Variants in SYNE2 observed in about 807,000 individuals in gnomAD.
SYNE2 encodes nesprin-2.
SYNE2 carries 431 observed loss-of-function variants against 856.3 expected under a neutral mutation model. The ratio of observed to expected loss-of-function variants is 0.50; its 90% CI spans 0.47 to 0.55. The LOEUF (loss-of-function observed/expected upper bound fraction) is 0.55. Ranked by LOEUF, SYNE2 falls within the 20% of genes least tolerant of loss-of-function variation. SYNE2 has a pLI of 0.00. For synonymous variants in SYNE2, 2,923 were observed against 2,872.3 expected, an observed-to-expected ratio of 1.02 and a Z score of -0.56; for missense variants, 8,129 against 8,023.2, an observed-to-expected ratio of 1.01 and a Z score of -0.50.
intron 70 of SYNE2, 60 bp from the exon 71 acceptor site, chr14:64,125,019 A>G: frequency 6.2e-7 from 1 of 1,600,248 alleles, no homozygotes; most frequent in Non-Finnish European, 8.5e-7. Context: ...AAAAAAATAA[A>G]TTAATTAACA....
In SYNE2 at chr14:64,143,082, T is replaced by C. The variant is rs150313480; in HGVS notation, c.15307-690T>C. Among the ~76,000 whole-genome samples the C allele has an allele frequency of 1.4e-3, 208 of 152,314 alleles. 1 individual carries two copies. Among genetic ancestry groups the C allele is most frequent in the Non-Finnish European group, 2.4e-3 (163 of 68,028 alleles). On this transcript the variant is annotated intron_variant, in intron 82 of 115. Coordinates refer to ENST00000555002, the MANE Select transcript of SYNE2 (RefSeq NM_182914.3). ...ATCACATCCTAACTTCAGTGTGTAG[T>C]AAAATCTTCGAAAAGTCTACACGTG...
intron 1 of SYNE2, among the ~76,000 whole-genome samples, chr14:63,832,076 T>C (rs759793594): frequency 6.6e-6 from 1 of 152,170 alleles, no homozygotes; most frequent in Non-Finnish European, 1.5e-5. Context: ...TTGATAAATG[T>C]TCAAAATAAA....
chr14:64,113,018 T>A, intron 65 of SYNE2: 1 of 985,336 alleles, frequency 1.0e-6, no homozygotes, highest in Non-Finnish European at 1.2e-6. Flanking sequence ...TTCCCTTAAA[T>A]GTTTCGGACA....
intron 30 of SYNE2, among the ~76,000 whole-genome samples, chr14:64,005,061 G>C (rs894290658): frequency 6.6e-6 from 1 of 152,180 alleles, no homozygotes. Flanking sequence ...CAAGGGTCGG[G>C]TGTGTTTGAG....
At chr14:64,100,597 C>G (rs1213295320) in intron 63 of SYNE2, among the ~76,000 whole-genome samples, 1 of 121,858 alleles carries the variant, frequency 8.2e-6, no homozygotes, top group Non-Finnish European at 1.7e-5. Flanking sequence ...TGTTTTGATA[C>G]AGTACATGTA....
chr14:64,147,871 A>G (rs997409477), intron 84 of SYNE2, among the ~76,000 whole-genome samples: 3 of 152,240 alleles, frequency 2.0e-5, no homozygotes, highest in African/African-American at 7.2e-5. Context: ...TTATTGCACT[A>G]GTTGAAGGCA....
rs906787422 is a variant in SYNE2 at position 64,051,610 on chromosome 14, C to T, written c.7697C>T (p.Ser2566Phe). Residue 2566 changes from serine (S) to phenylalanine (F), a missense_variant, in exon 48 of 116, where the codon TCC (serine) becomes TTC (phenylalanine). Physicochemically the swap from Ser to Phe is radical, Grantham distance 155. Around this residue, in one of 3 missense-constraint regions of SYNE2, gnomAD observed 5,410 missense variants for 5,284.8 expected, o/e 1.02. Transcript: ENST00000555002. Reference protein sequence around the residue: ...YLDKIKKFIASIEKEKDSLGN... With the variant: ...YLDKIKKFIAFIEKEKDSLGN... ...GACAAAATTAAAAAATTCATAGCAT[C>T]CATAGAAAAAGAGAAAGATTCTTTA... is the stretch of plus-strand genomic sequence containing the variant. 1 of 1,613,554 alleles carries T rather than the reference C, an allele frequency of 6.2e-7. No homozygotes were observed. The highest frequency in any genetic ancestry group is 1.3e-5 in the African/African-American group (1 of 74,784).
At chr14:64,169,053 C>A in intron 93 of SYNE2, 82 bp downstream of exon 93, 1 of 1,105,034 alleles carries the variant, frequency 9.0e-7, no homozygotes, top group Non-Finnish European at 1.4e-6. Flanking sequence ...ACCATGTGAA[C>A]CTTGACCATG....
At chr14:64,163,307 C>G in intron 88 of SYNE2, 95 bp from the exon 89 acceptor site, 1 of 1,409,376 alleles carries the variant, frequency 7.1e-7, no homozygotes, top group African/African-American at 1.4e-5. Flanking sequence ...GTTTTCAGGG[C>G]AAATATTCTC....
intron 96 of SYNE2, among the ~76,000 whole-genome samples, chr14:64,184,653 C>T (rs2098479798): frequency 6.6e-6 from 1 of 152,116 alleles, no homozygotes; most frequent in African/African-American, 2.4e-5. Flanking sequence ...CCTCAGCTGG[C>T]AGGTGGCCCC....
intron 1 of SYNE2, among the ~76,000 whole-genome samples, chr14:63,763,133 A>G (rs1449090706): frequency 1.3e-5 from 2 of 151,886 alleles, no homozygotes; most frequent in African/African-American, 4.8e-5. Context: ...ACACCTGGCT[A>G]ATTTTTGCAT....
chr14:64,032,479 T>C (rs562037851), intron 45 of SYNE2, among the ~76,000 whole-genome samples: 2 of 152,234 alleles, frequency 1.3e-5, no homozygotes, highest in African/African-American at 4.8e-5. Context: ...GGGGAATCAT[T>C]TGAGCCTAGG....
At chr14:63,823,696 C>G (rs1595146906) in intron 1 of SYNE2, among the ~76,000 whole-genome samples, 1 of 151,018 alleles carries the variant, frequency 6.6e-6, no homozygotes, top group African/African-American at 2.4e-5. Flanking sequence ...AGTGCAATGG[C>G]CCTATCTCAA....
chr14:63,852,949 G>C (rs1313254836), upstream of SYNE2: 2 of 151,968 alleles, frequency 1.3e-5, no homozygotes, highest in Admixed American at 1.3e-4. Flanking sequence ...GGCGGGCGGG[G>C]AAGGCGCGGG....
chr14:64,126,779 C>G lies in SYNE2; in HGVS notation c.13889C>G (p.Ala4630Gly), dbSNP rs2097950107. ...AAVCRSKSLKAGLDYNRSYQN... is the reference protein window; with the variant it reads ...AAVCRSKSLKGGLDYNRSYQN... ...GTCTGTAGAAGCAAGTCCCTGAAAG[C>G]TGGCCTCGATTACAACCGCAGTTAC... Residue 4630 changes from alanine to glycine, a missense_variant, in exon 73 of 116, where the codon GCT (alanine) becomes GGT (glycine). By Grantham distance (60) the Ala-to-Gly change is moderately conservative. Around this residue, in one of 3 missense-constraint regions of SYNE2, gnomAD observed 5,410 missense variants for 5,284.8 expected, o/e 1.02. Transcript: ENST00000555002. The G allele has an allele frequency of 1.1e-5, 18 of 1,613,146 alleles. No individual in the cohort carries two copies. The highest frequency in any genetic ancestry group is 1.7e-5 in the Admixed American group (1 of 60,002).
chr14:64,179,241 A>G (rs1251532677), intron 96 of SYNE2, among the ~76,000 whole-genome samples: 1 of 152,148 alleles, frequency 6.6e-6, no homozygotes, highest in East Asian at 1.9e-4. Flanking sequence ...GGTTCCAGCA[A>G]TTCTCGTGCC....
chr14:64,142,449 C>G (rs2098146179), intron 82 of SYNE2, among the ~76,000 whole-genome samples: 1 of 152,138 alleles, frequency 6.6e-6, no homozygotes, highest in Admixed American at 6.5e-5. Context: ...ATGCTGCACC[C>G]TCTACCTGGA....
intron 2 of SYNE2, among the ~76,000 whole-genome samples, chr14:63,910,580 T>C (rs1199924361): frequency 6.6e-6 from 1 of 152,242 alleles, no homozygotes; most frequent in Non-Finnish European, 1.5e-5. Context: ...TGTTTTTCTA[T>C]GATGTTTTGG....
In SYNE2 at chr14:64,141,571, T is replaced by C. The variant is rs2098139567; in HGVS notation, c.15159+48T>C. On this transcript the variant is annotated intron_variant, in intron 81 of 115. Transcript: ENST00000555002. ...TTTGAATTAGCATTCACTTGTTAGC[T>C]CATAACTCTTTTAAAATTATTTCTC... is the stretch of plus-strand genomic sequence containing the variant. 3 of 1,573,680 alleles carry C rather than the reference T, an allele frequency of 1.9e-6. No homozygotes were observed. In the East Asian group the frequency reaches 6.7e-5, roughly 35 times the overall value.
Sources: allele counts gnomAD v4.1 joint callset (sites outside exome capture counted in the v4.1 genomes callset), GRCh38; gene constraint gnomAD v4.1.1; regional missense constraint gnomAD v4.1.1; transcripts MANE v1.5; gene names NCBI Gene and HGNC (gene_info 2026-07-23, HGNC 2026-07-21).